The following HK1 variants were observed in gnomAD, a reference collection of about 807,000 sequenced individuals.
The protein encoded by HK1 is hexokinase 1.
In HK1, 28 loss-of-function variants were observed where a neutral mutation model predicts 91.6. The ratio of observed to expected loss-of-function variants is 0.31; its 90% confidence interval spans 0.23 to 0.42. The LOEUF (loss-of-function observed/expected upper bound fraction) is 0.42, where lower values mean the gene tolerates loss of function less well. HK1 is among the 10% of genes least tolerant of loss of function. HK1 has a pLI of 1.00. For synonymous variants in HK1, 430 were observed against 468.1 expected, an observed-to-expected ratio of 0.92 and a Z score of 1.05; for missense variants, 770 against 1,219.8, an observed-to-expected ratio of 0.63 and a Z score of 5.49.
At chr10:69,331,769 G>C (rs996577260) in intron 1 of HK1, among the ~76,000 whole-genome samples, 2 of 151,926 alleles carry the variant, frequency 1.3e-5, no homozygotes, top group African/African-American at 4.8e-5. Flanking sequence ...CCAGCCACTT[G>C]GGAGTCTGAG....
chr10:69,315,660 A>G, upstream of HK1: 1 of 480,270 alleles, frequency 2.1e-6, no homozygotes, highest in Non-Finnish European at 3.8e-6. Flanking sequence ...GAGAGGGGAC[A>G]CAGCAGTGCA....
chr10:69,310,772 G>A (rs945120739), intron 5 of HK1, among the ~76,000 whole-genome samples: 2 of 152,118 alleles, frequency 1.3e-5, no homozygotes, highest in Non-Finnish European at 2.9e-5. Flanking sequence ...AGGTACATTG[G>A]TTGGCTGGGC....
At chr10:69,349,093 G>A (rs1163009916) in intron 2 of HK1, among the ~76,000 whole-genome samples, 1 of 152,224 alleles carries the variant, frequency 6.6e-6, no homozygotes, top group Non-Finnish European at 1.5e-5. Flanking sequence ...GGCCCCAGTA[G>A]CAGGAAGCAA....
At chr10:69,387,167 A>G (rs1758126361) in intron 13 of HK1, among the ~76,000 whole-genome samples, 1 of 152,188 alleles carries the variant, frequency 6.6e-6, no homozygotes, top group South Asian at 2.1e-4. Context: ...GTAACCATAG[A>G]ATTGCCCCTG....
intron 5 of HK1, among the ~76,000 whole-genome samples, chr10:69,305,666 A>G (rs1352325505): frequency 6.6e-6 from 1 of 151,822 alleles, no homozygotes; most frequent in Non-Finnish European, 1.5e-5. Context: ...ACCAGCCTGG[A>G]ACATGGTGAA....
At chr10:69,376,814 G>A in intron 7 of HK1, 120 bp from the exon 8 acceptor site, 1 of 1,287,408 alleles carries the variant, frequency 7.8e-7, no homozygotes, top group South Asian at 1.2e-5. Flanking sequence ...TTGCCTGCCA[G>A]CGAGGCTGGG....
intron 5 of HK1, among the ~76,000 whole-genome samples, chr10:69,303,029 T>G (rs1470693625): frequency 1.3e-5 from 2 of 152,204 alleles, no homozygotes; most frequent in African/African-American, 4.8e-5. Flanking sequence ...TCCTTCCCTG[T>G]CCATCCTGAC....
intron 13 of HK1, among the ~76,000 whole-genome samples, chr10:69,387,401 G>T (rs1188362771): frequency 1.3e-5 from 2 of 152,076 alleles, no homozygotes; most frequent in East Asian, 1.9e-4. Flanking sequence ...CGATCCTCCC[G>T]CTTCAGCCTC....
intron 4 of HK1, among the ~76,000 whole-genome samples, chr10:69,365,184 T>C (rs914632736): frequency 6.6e-6 from 1 of 152,116 alleles, no homozygotes; most frequent in Non-Finnish European, 1.5e-5. Context: ...GAAAATAAAG[T>C]AGTTTTAATG....
At chr10:69,314,901 C>T (rs1029624850), upstream of HK1, among the ~76,000 whole-genome samples, 1 of 152,134 alleles carries the variant, frequency 6.6e-6, no homozygotes, top group Non-Finnish European at 1.5e-5. Context: ...CTCCTGACCA[C>T]GTGATCCTCC....
upstream of HK1, chr10:69,318,799 G>GC: frequency 1.4e-6 from 2 of 1,382,654 alleles, no homozygotes; most frequent in Non-Finnish European, 1.9e-6. Flanking sequence ...GAGCGCGCGA[G>GC]CTGTCGCCGC....
In HK1 at chr10:69,284,130, G is replaced by A. The variant is rs73263635; in HGVS notation, c.-215+1426G>A. Among the ~76,000 whole-genome samples, 1,235 of 152,222 alleles carry A rather than the reference G, an allele frequency of 8.1e-3. 21 individuals carry two copies. Among genetic ancestry groups the A allele is most frequent in the African/African-American group, 0.028 (1,168 of 41,546 alleles). On this transcript the variant is annotated intron_variant, in intron 2 of 21. Coordinates refer to the HK1 transcript ENST00000360289. ...CCCATCTGTCCTCTACTACCCTCAG[G>A]GTTTGGGACTGATGCTCTGCAGTTG... is the stretch of plus-strand genomic sequence containing the variant.
chr10:69,289,597 T>C (rs1845198760), intron 3 of HK1, among the ~76,000 whole-genome samples: 1 of 142,628 alleles, frequency 7.0e-6, no homozygotes, highest in Non-Finnish European at 1.5e-5. Flanking sequence ...TCAGCCTCCC[T>C]AGTAGCTGAA....
intron 2 of HK1, among the ~76,000 whole-genome samples, chr10:69,355,202 C>G (rs148518914): frequency 1.1e-3 from 163 of 152,140 alleles, no homozygotes; most frequent in African/African-American, 3.8e-3. Context: ...ATTCCAAACA[C>G]CATTGTAAGT....
intron 17 of HK1, among the ~76,000 whole-genome samples, chr10:69,400,586 T>G (rs1589597286): frequency 6.6e-6 from 1 of 152,198 alleles, no homozygotes; most frequent in Non-Finnish European, 1.5e-5. Context: ...TCCTTGGTTT[T>G]GAGGTCCCCC....
chr10:69,324,102 G>T lies in HK1; in HGVS notation c.63+5092G>T, dbSNP rs560023591. On this transcript the variant is annotated intron_variant, in intron 1 of 17. Transcript: ENST00000359426. Reference sequence around the variant, plus strand: ...GCCCAGGCTGGTCTTGAACTCCTGGGCTCAGGCAGTCCTCCCGCCTTGGCC... The same window carrying T: ...GCCCAGGCTGGTCTTGAACTCCTGGTCTCAGGCAGTCCTCCCGCCTTGGCC... Among the ~76,000 whole-genome samples, 153 of 152,192 alleles carry T rather than the reference G, an allele frequency of 1.0e-3. 1 individual carries two copies. The highest frequency in any genetic ancestry group is 3.6e-3 in the African/African-American group (151 of 41,520).
intron 1 of HK1, among the ~76,000 whole-genome samples, chr10:69,339,601 G>C (rs1448060137): frequency 6.6e-6 from 1 of 152,176 alleles, no homozygotes; most frequent in Non-Finnish European, 1.5e-5. Flanking sequence ...GAGCTTCTAA[G>C]CTTTATTTGG....
At chr10:69,286,338 A>G (rs1305395975) in intron 2 of HK1, among the ~76,000 whole-genome samples, 4 of 152,088 alleles carry the variant, frequency 2.6e-5, no homozygotes, top group Non-Finnish European at 5.9e-5. Context: ...TCTCTACAAA[A>G]AATTAAAAAA....
At chr10:69,386,628 A>G (rs1839646068) in intron 13 of HK1, 2 of 414,606 alleles carry the variant, frequency 4.8e-6, no homozygotes, top group Non-Finnish European at 9.1e-6. Context: ...CTAAAGTTAC[A>G]CAAATTAGCC....
Sources: allele counts gnomAD v4.1 joint callset (sites outside exome capture counted in the v4.1 genomes callset), GRCh38; gene constraint gnomAD v4.1.1; transcripts MANE v1.5; gene names NCBI Gene and HGNC (gene_info 2026-07-23, HGNC 2026-07-21).